NKAIN2: variants seen among roughly 807,000 people sequenced by gnomAD.
The protein encoded by NKAIN2 is sodium/potassium-transporting ATPase subunit beta-1-interacting protein 2.
NKAIN2 carries 14 observed loss-of-function variants against 32.6 expected under a neutral mutation model. The ratio of observed to expected loss-of-function variants is 0.43; its 90% CI spans 0.28 to 0.67. NKAIN2 has a LOEUF of 0.67. Among genes scored for constraint, NKAIN2 ranks in the 30% least tolerant of loss-of-function variants. The pLI is 0.17. For missense variants in NKAIN2, 198 were observed against 258.3 expected (o/e 0.77, Z 1.60); for synonymous variants, 80 against 87.2 (o/e 0.92, Z 0.46).
At chr6:124,331,410 T>C (rs974492863) in intron 2 of NKAIN2, among the ~76,000 whole-genome samples, 1 of 128,698 alleles carries the variant, frequency 7.8e-6, no homozygotes, top group Non-Finnish European at 1.6e-5. Flanking sequence ...ATGCCTGTAG[T>C]CCCAACTACA....
intron 1 of NKAIN2, among the ~76,000 whole-genome samples, chr6:124,159,406 G>A (rs1788158291): frequency 6.6e-6 from 1 of 152,078 alleles, no homozygotes; most frequent in African/African-American, 2.4e-5. Context: ...GGCTTGTATT[G>A]TGCATTTTTT....
chr6:124,361,725 A>G (rs576893539), intron 3 of NKAIN2, among the ~76,000 whole-genome samples: 1 of 152,198 alleles, frequency 6.6e-6, no homozygotes, highest in South Asian at 2.1e-4. Flanking sequence ...TTTAAGCTTT[A>G]GGGAATAAAA....
intron 3 of NKAIN2, among the ~76,000 whole-genome samples, chr6:124,649,161 G>A (rs1784278805): frequency 6.6e-6 from 1 of 151,930 alleles, no homozygotes; most frequent in Non-Finnish European, 1.5e-5. Flanking sequence ...TTAAAAATAA[G>A]AAATCAGTAG....
intron 1 of NKAIN2, among the ~76,000 whole-genome samples, chr6:124,101,488 G>C (rs940265250): frequency 1.3e-5 from 2 of 152,096 alleles, no homozygotes; most frequent in Non-Finnish European, 1.5e-5. Context: ...AGAATGTCAG[G>C]AGTATCAGTT....
chr6:124,507,771 T>C (rs767337269), intron 3 of NKAIN2, among the ~76,000 whole-genome samples: 7 of 152,196 alleles, frequency 4.6e-5, no homozygotes, highest in Non-Finnish European at 1.0e-4. Context: ...CAGCAAGAAC[T>C]GTTGAGTCCC....
At chr6:123,861,985 A>G (rs1363974158) in intron 1 of NKAIN2, among the ~76,000 whole-genome samples, 2 of 152,202 alleles carry the variant, frequency 1.3e-5, no homozygotes, top group African/African-American at 4.8e-5. Context: ...TATATCTGGG[A>G]ACAAACAGGA....
At chr6:124,271,939 C>G (rs541014632) in intron 1 of NKAIN2, among the ~76,000 whole-genome samples, 1 of 152,118 alleles carries the variant, frequency 6.6e-6, no homozygotes, top group South Asian at 2.1e-4. Context: ...GGGTATCTGG[C>G]GGAAGAAATT....
chr6:124,210,071 C>T (rs562581118), intron 1 of NKAIN2, among the ~76,000 whole-genome samples: 12 of 151,378 alleles, frequency 7.9e-5, no homozygotes, highest in Admixed American at 7.3e-4. Context: ...TCAGTGGTTT[C>T]ATAGTTTGAG....
chr6:124,654,393 G>A (rs1784466955), intron 3 of NKAIN2, among the ~76,000 whole-genome samples: 1 of 151,934 alleles, frequency 6.6e-6, no homozygotes. Context: ...CAGACAATAG[G>A]TTCAAATGAC....
At chr6:124,024,939 A>G (rs1470850662) in intron 1 of NKAIN2, among the ~76,000 whole-genome samples, 1 of 151,756 alleles carries the variant, frequency 6.6e-6, no homozygotes, top group African/African-American at 2.4e-5. Context: ...GTGAGCCAGG[A>G]TGGCGCCACT....
chr6:124,657,488 G>A (rs1784582592), intron 3 of NKAIN2, among the ~76,000 whole-genome samples: 1 of 151,968 alleles, frequency 6.6e-6, no homozygotes, highest in Non-Finnish European at 1.5e-5. Flanking sequence ...CACCTAACAT[G>A]GTGAACTTCA....
chr6:124,397,745 C>T (rs1469837073), intron 3 of NKAIN2, among the ~76,000 whole-genome samples: 1 of 152,098 alleles, frequency 6.6e-6, no homozygotes, highest in Non-Finnish European at 1.5e-5. Context: ...GTGTTATTAT[C>T]TCCGTTTCAA....
At chr6:124,414,973 G>GA (rs113846966) in intron 3 of NKAIN2, among the ~76,000 whole-genome samples, 29,256 of 148,810 alleles carry the variant, frequency 0.2, 2,857 homozygotes, top group East Asian at 0.24. Flanking sequence ...GGTTTTGAGT[G>GA]AAAAAAAAAA....
chr6:124,260,333 C>A (rs913288598), intron 1 of NKAIN2, among the ~76,000 whole-genome samples: 2 of 151,832 alleles, frequency 1.3e-5, no homozygotes, highest in South Asian at 2.1e-4. Context: ...TAAATGCAAA[C>A]GAGAAATAAT....
chr6:124,157,294 G>A (rs964498894), intron 1 of NKAIN2, among the ~76,000 whole-genome samples: 17 of 149,534 alleles, frequency 1.1e-4, no homozygotes, highest in Non-Finnish European at 1.5e-4. Context: ...CACACAGCAT[G>A]CTTCTTCCTA....
intron 4 of NKAIN2, among the ~76,000 whole-genome samples, chr6:124,767,129 C>G (rs2114749880): frequency 6.6e-6 from 1 of 152,062 alleles, no homozygotes; most frequent in South Asian, 2.1e-4. Flanking sequence ...CTCCTGACCT[C>G]GTGATCTGCC....
At chr6:124,786,429 T>C (rs1204835709) in intron 4 of NKAIN2, among the ~76,000 whole-genome samples, 1 of 152,166 alleles carries the variant, frequency 6.6e-6, no homozygotes, top group African/African-American at 2.4e-5. Flanking sequence ...ATATTTTCAA[T>C]TATTACAATT....
At chr6:124,222,168 A>T (rs9482518) in intron 1 of NKAIN2, among the ~76,000 whole-genome samples, 1 of 151,928 alleles carries the variant, frequency 6.6e-6, no homozygotes, top group Non-Finnish European at 1.5e-5. Context: ...GTAACAGGAA[A>T]AAGCAAAGAC....
intron 1 of NKAIN2, among the ~76,000 whole-genome samples, chr6:123,897,347 G>A (rs976840553): frequency 5.9e-5 from 9 of 152,002 alleles, no homozygotes; most frequent in Non-Finnish European, 1.0e-4. Context: ...TGGACACACC[G>A]AACACTGTCA....
Sources: gnomAD v4.1 joint callset for allele counts (sites outside exome capture counted in the v4.1 genomes callset) on GRCh38, gnomAD v4.1.1 for gene constraint, MANE v1.5 for transcripts, NCBI Gene and HGNC (gene_info 2026-07-23, HGNC 2026-07-21) for gene names.